Variants in FXR2 observed in about 807,000 individuals in gnomAD.
FXR2 encodes FMR1 autosomal homolog 2.
Under a neutral mutation model 87.3 loss-of-function variants are expected in FXR2, and 9 were observed. The ratio of observed to expected loss-of-function variants is 0.10; its 90% confidence interval spans 0.06 to 0.18. The LOEUF (loss-of-function observed/expected upper bound fraction) is 0.18. FXR2 is among the 10% of genes least tolerant of loss of function. The pLI is 1.00. For missense variants in FXR2, 661 were observed against 893.6 expected, an observed-to-expected ratio of 0.74 and a Z score of 3.32; for synonymous variants, 331 against 328.3, an observed-to-expected ratio of 1.01 and a Z score of -0.09.
rs1177583480 is a variant in FXR2, at chr17:7,604,342, A to C, written c.229-262T>G. ...CACTTTGGAAGGCCAAGGTGGGAGG[A>C]TCTCTTGAGCTCAGGAGTTCAAGAA... is the stretch of plus-strand genomic sequence containing the variant. On this transcript the variant is annotated intron_variant, in intron 3 of 16. Transcript: ENST00000250113. Among the ~76,000 whole-genome samples, 3 of 151,982 alleles carry C rather than the reference A, an allele frequency of 2.0e-5. No homozygotes were observed. The East Asian group carries it at 5.8e-4, about 29-fold the overall frequency.
At position 7,602,982 on chromosome 17, in the gene FXR2, TG is replaced by T; in HGVS notation, c.469del (p.His157IlefsTer32). On this transcript the variant is annotated frameshift_variant, in exon 6 of 17. Transcript: ENST00000250113. LOFTEE classifies it high-confidence loss of function. ...TCCCAGGGCTTTCTTGAACTCTTTA[TG>T]GACGTTTTCATTGGAGCAGCTGCAG... The part of the protein sequence containing the change: ...LREACSNENV[H>X]KEFKKALGAN... The T allele has an allele frequency of 6.3e-7, 1 of 1,583,962 alleles. No individual in the cohort carries two copies. The highest frequency in any genetic ancestry group is 8.7e-7 in the Non-Finnish European group (1 of 1,154,514).
rs2150939418 is a variant in FXR2, at chr17:7,592,029, C to G, written c.1927-104G>C. The stretch of plus-strand genomic sequence containing the variant: ...CCAAGCCCTCCTGGCATTTGGTGAT[C>G]CAGAGGTTGGTTCCCTGATCTCATG... On this transcript the variant is annotated intron_variant, in intron 16 of 16. Transcript: ENST00000250113. The surrounding 1 kb of genome is among the most constrained non-coding windows in gnomAD (Gnocchi z 4.8). The G allele has an allele frequency of 8.0e-7, 1 of 1,253,122 alleles. No homozygotes were observed. The highest frequency in any genetic ancestry group is 1.1e-6 in the Non-Finnish European group (1 of 911,658). 77.6% of individuals were successfully genotyped at this position (1,253,122 alleles called of 1,614,324 possible).
rs116115043 is a variant in FXR2, at chr17:7,595,211, G to A, written c.832-454C>T. Among the ~76,000 whole-genome samples the A allele has an allele frequency of 0.011, 1,674 of 151,916 alleles. 30 individuals carry two copies. Among genetic ancestry groups the A allele is most frequent in the African/African-American group, 0.038 (1,593 of 41,420 alleles). On this transcript the variant is annotated intron_variant, in intron 8 of 16. Coordinates refer to ENST00000250113, the MANE Select transcript of FXR2 (RefSeq NM_004860.4). This position sits in a 1 kb window ranked among gnomAD's most constrained non-coding sequence, Gnocchi z 4.7. ...TCACACCCATAATCTCAACAGTTTC[G>A]GAGGCTAAGAAGGGAGGATTGCTTG...
At chr17:7,608,007 T>G (rs1256308179) in intron 1 of FXR2, among the ~76,000 whole-genome samples, 1 of 151,788 alleles carries the variant, frequency 6.6e-6, no homozygotes, top group African/African-American at 2.4e-5. Context: ...GTCAGACTGG[T>G]CTCAAACTCC....
rs1179144974 is a variant in FXR2 at position 7,595,230 on chromosome 17, T to C, written c.832-473A>G. ...AGTTTCGGAGGCTAAGAAGGGAGGA[T>C]TGCTTGAGGCTAGGAGTTAACAACC... On this transcript the variant is annotated intron_variant, in intron 8 of 16. Transcript: ENST00000250113. This position sits in a 1 kb window ranked among gnomAD's most constrained non-coding sequence, Gnocchi z 4.7. 6.6e-6 allele frequency among the ~76,000 whole-genome samples: 1 copy of C among 151,956 alleles called. No individual in the cohort carries two copies. Among genetic ancestry groups the C allele is most frequent in the Non-Finnish European group, 1.5e-5 (1 of 67,984 alleles).
intron 7 of FXR2, among the ~76,000 whole-genome samples, chr17:7,598,815 C>G (rs573252286): frequency 7.3e-4 from 111 of 152,300 alleles, no homozygotes; most frequent in South Asian, 6.4e-3. Context: ...TCGCGACCAG[C>G]CTAGCCAACA....
rs2071659969 is a variant in FXR2 at position 7,591,547 on chromosome 17, T to C, written c.*283A>G. ...CACCAACAGGTGGAGAATGGGGGTG[T>C]TCAGAGAGAGATTGGGGCATTAGAG... On this transcript the variant is annotated 3_prime_UTR_variant, in exon 17 of 17. Coordinates refer to ENST00000250113, the MANE Select transcript of FXR2 (RefSeq NM_004860.4). This position sits in a 1 kb window ranked among gnomAD's most constrained non-coding sequence, Gnocchi z 4.0. The C allele has an allele frequency of 2.4e-6, 1 of 411,682 alleles. No individual in the cohort carries two copies. The highest frequency in any genetic ancestry group is 4.6e-6 in the Non-Finnish European group (1 of 219,436). 25.5% of individuals were successfully genotyped at this position (411,682 alleles called of 1,614,324 possible).
chr17:7,593,905 C>G lies in FXR2; in HGVS notation c.1107+13G>C. 1 of 1,560,084 alleles carries G rather than the reference C, an allele frequency of 6.4e-7. No homozygotes were observed. Among genetic ancestry groups the G allele is most frequent in the South Asian group, 1.1e-5 (1 of 89,942 alleles). On this transcript the variant is annotated intron_variant, in intron 11 of 16. Transcript: ENST00000250113. The surrounding 1 kb of genome is among the most constrained non-coding windows in gnomAD (Gnocchi z 6.1). ...TTTTCACACCCAGCATTTTTCTCTC[C>G]CGGCCTGGGTACCTGCAGGTAGGAG...
chr17:7,609,159 G>A lies in FXR2; in HGVS notation c.82-3010C>T, dbSNP rs144661135. ...AATAAAAGAATTAGAGGTTTCAAAA[G>A]GCTAATACACAAGAACTATTCATGA... On this transcript the variant is annotated intron_variant, in intron 1 of 16. Transcript: ENST00000250113. Among the ~76,000 whole-genome samples, 4 of 152,268 alleles carry A rather than the reference G, an allele frequency of 2.6e-5. No homozygotes were observed. The East Asian group carries it at 7.7e-4, about 29-fold the overall frequency.
chr17:7,593,060 C>A lies in FXR2; in HGVS notation c.1452G>T (p.Pro484=), dbSNP rs370274592. ...PTRGEESRRR[P]TGGRGRGPPP... ...GGGGTCCCCTACCCCGGCCCCCAGT[C>A]GGCCGCCTCCGGCTTTCTTCCCCTC... Residue 484 remains proline, a synonymous_variant, in exon 13 of 17, where the codon CCG becomes CCT. Coordinates refer to ENST00000250113, the MANE Select transcript of FXR2 (RefSeq NM_004860.4). This position sits in a 1 kb window ranked among gnomAD's most constrained non-coding sequence, Gnocchi z 6.1. 1.2e-4 allele frequency: 194 copies of A among 1,585,442 alleles called. No individual in the cohort carries two copies. The highest frequency in any genetic ancestry group is 1.6e-4 in the Non-Finnish European group (190 of 1,168,568).
At position 7,593,016 on chromosome 17, in the gene FXR2, G is replaced by A; in HGVS notation, c.1496C>T (p.Thr499Ile). The A allele has an allele frequency of 6.3e-7, 1 of 1,575,730 alleles. No homozygotes were observed. The highest frequency in any genetic ancestry group is 1.4e-5 in the African/African-American group (1 of 73,096). Reference protein sequence around the residue: ...GRGPPPAPRPTSRYNSSSISS... With the variant: ...GRGPPPAPRPISRYNSSSISS... ...AATAGATGAAGAATTGTATCTCGAA[G>A]TGGGCCGGGGGGCAGGTGGGGGTCC... The change falls in exon 13 of 17, where the codon ACT (threonine) becomes ATT (isoleucine). Residue 499 changes from threonine to isoleucine, a missense_variant. By Grantham distance (89) the Thr-to-Ile change is moderately conservative. This residue lies in a region of FXR2 where 409 missense variants were observed against 432.0 expected (regional missense o/e 0.95). Coordinates refer to ENST00000250113, the MANE Select transcript of FXR2 (RefSeq NM_004860.4). The surrounding 1 kb of genome is among the most constrained non-coding windows in gnomAD (Gnocchi z 6.1).
chr17:7,592,485 G>A lies in FXR2; in HGVS notation c.1825+19C>T, dbSNP rs1258085261. On this transcript the variant is annotated intron_variant, in intron 15 of 16. Transcript: ENST00000250113. The surrounding 1 kb of genome is among the most constrained non-coding windows in gnomAD (Gnocchi z 4.8). ...CTCTCAGCTCTGAGGAAGGATTCTG[G>A]TGTCCAGAGTTGGCTGACCTGGCTG... 1 of 1,606,248 alleles carries A rather than the reference G, an allele frequency of 6.2e-7. No individual in the cohort carries two copies. Among genetic ancestry groups the A allele is most frequent in the East Asian group, 2.2e-5 (1 of 44,840 alleles).
chr17:7,611,672 A>T (rs889256747), intron 1 of FXR2, among the ~76,000 whole-genome samples: 1 of 147,968 alleles, frequency 6.8e-6, no homozygotes. Context: ...TGTCTCAAAT[A>T]AAAAAAAAAG....
chr17:7,593,545 C>G lies in FXR2; in HGVS notation c.1188G>C (p.Gly396=), dbSNP rs1333330067. 1 of 1,595,296 alleles carries G rather than the reference C, an allele frequency of 6.3e-7. No homozygotes were observed. Among genetic ancestry groups the G allele is most frequent in the South Asian group, 1.1e-5 (1 of 87,888 alleles). ...CGCTGCCACCGCTGCCCCGCCCACT[C>G]CCAGGAGGGCGAAAGCCCAGCCCAA... ...RQIGLGFRPP[G]SGRGSGGSDK... The change falls in exon 12 of 17, where the codon GGG becomes GGC. Residue 396 remains glycine (G), a synonymous_variant. Coordinates refer to ENST00000250113, the MANE Select transcript of FXR2 (RefSeq NM_004860.4). The surrounding 1 kb of genome is among the most constrained non-coding windows in gnomAD (Gnocchi z 6.1).
rs1200671355 is a variant in FXR2 at position 7,594,937 on chromosome 17, A to G, written c.832-180T>C. On this transcript the variant is annotated intron_variant, in intron 8 of 16. Coordinates refer to ENST00000250113, the MANE Select transcript of FXR2 (RefSeq NM_004860.4). This position sits in a 1 kb window ranked among gnomAD's most constrained non-coding sequence, Gnocchi z 5.1. ...CATCTCTACTAAAAATACAAAAATC[A>G]AAATACAAAAATACTAAAATACTAA... 1.3e-5 allele frequency among the ~76,000 whole-genome samples: 2 copies of G among 152,044 alleles called. No individual in the cohort carries two copies. Among genetic ancestry groups the G allele is most frequent in the East Asian group, 3.9e-4 (2 of 5,194 alleles).
rs146713658 is a variant in FXR2 at position 7,611,497 on chromosome 17, G to A, written c.81+2955C>T. Among the ~76,000 whole-genome samples, 49 of 152,092 alleles carry A rather than the reference G, an allele frequency of 3.2e-4. No individual in the cohort carries two copies. The East Asian group carries it at 4.7e-3, about 14-fold the overall frequency. ...AGCCTGGCCAACATAGCGAAACCCCGTCTCTACTGAAAATACAAAAATTAG... is the reference window on the plus strand; with the variant it reads ...AGCCTGGCCAACATAGCGAAACCCCATCTCTACTGAAAATACAAAAATTAG... On this transcript the variant is annotated intron_variant, in intron 1 of 16. Transcript: ENST00000250113.
chr17:7,610,443 A>G (rs2071854249), intron 1 of FXR2, among the ~76,000 whole-genome samples: 1 of 152,100 alleles, frequency 6.6e-6, no homozygotes, highest in South Asian at 2.1e-4. Flanking sequence ...GTGAGCAGCA[A>G]TATTACCCTA....
chr17:7,593,963 G>C lies in FXR2; in HGVS notation c.1062C>G (p.Ile354Met). 6.2e-7 allele frequency: 1 copy of C among 1,611,600 alleles called. No individual in the cohort carries two copies. Among genetic ancestry groups the C allele is most frequent in the Non-Finnish European group, 8.5e-7 (1 of 1,177,748 alleles). Residue 354 changes from isoleucine to methionine, a missense_variant, in exon 11 of 17, where the codon ATC becomes ATG. Ile to Met is a conservative substitution (Grantham distance 10). Coordinates refer to ENST00000250113, the MANE Select transcript of FXR2 (RefSeq NM_004860.4). The surrounding 1 kb of genome is among the most constrained non-coding windows in gnomAD (Gnocchi z 6.1). ...PFIFVGTREN[I>M]SNAQALLEYH... ...ACTCCAGCAAAGCCTGGGCATTGCTGATGTTCTCTCGGGTGCCAACAAAAA... is the reference window on the plus strand; with the variant it reads ...ACTCCAGCAAAGCCTGGGCATTGCTCATGTTCTCTCGGGTGCCAACAAAAA...
chr17:7,597,262 C>T (rs1202420710), intron 7 of FXR2, among the ~76,000 whole-genome samples: 3 of 152,114 alleles, frequency 2.0e-5, no homozygotes, highest in Non-Finnish European at 4.4e-5. Flanking sequence ...CAAATAGAAA[C>T]AATACCTGAA....
Sources: gnomAD v4.1 joint callset for allele counts (sites outside exome capture counted in the v4.1 genomes callset) on GRCh38, gnomAD v4.1.1 for gene constraint, gnomAD v4.1.1 regional missense constraint, Gnocchi (gnomAD v3.1) non-coding constraint, MANE v1.5 for transcripts, NCBI Gene and HGNC (gene_info 2026-07-23, HGNC 2026-07-21) for gene names.